The following IFT140 variants were observed in gnomAD, a reference collection of about 807,000 sequenced individuals.
IFT140 encodes intraflagellar transport protein 140 homolog.
Under a neutral mutation model 164.6 loss-of-function variants are expected in IFT140, and 133 were observed. The ratio of observed to expected loss-of-function variants is 0.81; its 90% CI spans 0.70 to 0.93. The LOEUF is 0.93. IFT140 is among the 40% of genes least tolerant of loss of function. The pLI is 0.00. For missense variants in IFT140, 2,045 were observed against 1,972.3 expected, an observed-to-expected ratio of 1.04 and a Z score of -0.70; for synonymous variants, 860 against 817.3, an observed-to-expected ratio of 1.05 and a Z score of -0.89.
Position 1,566,102 on chromosome 16 carries a change from G to A in IFT140, c.1901+59C>T, listed in dbSNP as rs2033698458. 4.4e-6 allele frequency: 7 copies of A among 1,576,072 alleles called. No individual in the cohort carries two copies. In the South Asian group the frequency reaches 6.7e-5, roughly 15 times the overall value. ...TAACTTAGCAACAACCCGCCCAGAA[G>A]CCGAGAAGTAACTGAACATCATTTT... On this transcript the variant is annotated intron_variant, in intron 16 of 30. Transcript: ENST00000426508.
chr16:1,597,342 G>A (rs2141979102), intron 4 of IFT140, among the ~76,000 whole-genome samples: 1 of 152,348 alleles, frequency 6.6e-6, no homozygotes, highest in Non-Finnish European at 1.5e-5. Flanking sequence ...TGCACTGTGG[G>A]CACTTGGCCC....
chr16:1,536,490 G>A (rs2031084052), intron 19 of IFT140, among the ~76,000 whole-genome samples: 1 of 152,230 alleles, frequency 6.6e-6, no homozygotes. Flanking sequence ...TCTGCAGGTG[G>A]CTGACCCTCA....
chr16:1,563,974 CA>C (rs2033569918), intron 17 of IFT140, 22 bp downstream of exon 17: 1 of 1,540,582 alleles, frequency 6.5e-7, no homozygotes. Flanking sequence ...TGTCTAAACT[CA>C]AATACAACAG....
In IFT140 at chr16:1,589,695, C is replaced by A. The variant is rs201765963; in HGVS notation, c.720G>T (p.Glu240Asp). The change falls in exon 7 of 31, where the codon GAG (glutamate) becomes GAT (aspartate). Residue 240 changes from glutamate (E) to aspartate (D), a missense_variant. Glu to Asp is a conservative substitution (Grantham distance 45, BLOSUM62 2). Transcript: ENST00000426508. The part of the protein sequence containing the change: ...DSTIQMLFYM[E>D]KREALVVVTE... ...TGACCACCACCAGTGCCTCCCTCTT[C>A]TCCATGTAGAACAGCATCTGAATCG... 1 of 1,614,152 alleles carries A rather than the reference C, an allele frequency of 6.2e-7. No homozygotes were observed. Among genetic ancestry groups the A allele is most frequent in the Non-Finnish European group, 8.5e-7 (1 of 1,180,030 alleles).
intron 18 of IFT140, among the ~76,000 whole-genome samples, chr16:1,559,189 T>G (rs1311746323): frequency 3.3e-5 from 5 of 152,208 alleles, no homozygotes; most frequent in Non-Finnish European, 5.9e-5. Context: ...GAGTGGAAAC[T>G]GTCAGAAAAC....
At chr16:1,558,186 C>T (rs1470566810) in intron 18 of IFT140, 52 bp from the exon 19 acceptor site, 3 of 1,578,562 alleles carry the variant, frequency 1.9e-6, no homozygotes, top group Non-Finnish European at 2.6e-6. Flanking sequence ...AAGCTGAAGC[C>T]CTCACCCAGA....
At chr16:1,524,985 G>T in intron 22 of IFT140, 69 bp from the exon 23 acceptor site, 1 of 1,190,846 alleles carries the variant, frequency 8.4e-7, no homozygotes, top group Non-Finnish European at 1.1e-6. Flanking sequence ...CCCCCACCCC[G>T]CCCCTGTGCC....
At chr16:1,604,573 G>C (rs1299861186) in intron 3 of IFT140, 2 of 152,482 alleles carry the variant, frequency 1.3e-5, no homozygotes, top group Non-Finnish European at 2.9e-5. Context: ...AGCAGCACAG[G>C]GCCGGGGAGG....
At chr16:1,515,297 G>A (rs1250578151) in intron 30 of IFT140, among the ~76,000 whole-genome samples, 1 of 152,178 alleles carries the variant, frequency 6.6e-6, no homozygotes, top group Non-Finnish European at 1.5e-5. Context: ...GGGAGATGGA[G>A]AGACACATGA....
chr16:1,552,484 G>C (rs1308233941), intron 19 of IFT140, among the ~76,000 whole-genome samples: 2 of 152,084 alleles, frequency 1.3e-5, no homozygotes, highest in Non-Finnish European at 2.9e-5. Context: ...AACATGAGTG[G>C]ACGCTGTTCA....
In IFT140 at chr16:1,524,628, C is replaced by T; in HGVS notation, c.3065G>A (p.Ser1022Asn). The stretch of plus-strand genomic sequence containing the variant: ...CACCGCCTGCCCGACCTCCTCCTGG[C>T]TCTCGTACTGGCGGGCGAGGTGGTA... ...ASYHLARQYESQEEVGQAVHF... is the reference protein window; with the variant it reads ...ASYHLARQYENQEEVGQAVHF... The change falls in exon 24 of 31, where the codon AGC becomes AAC. Residue 1022 changes from serine (S) to asparagine (N), a missense_variant. By Grantham distance (46) the Ser-to-Asn change is conservative. Transcript: ENST00000426508. 1 of 1,601,608 alleles carries T rather than the reference C, an allele frequency of 6.2e-7. No homozygotes were observed. Among genetic ancestry groups the T allele is most frequent in the Non-Finnish European group, 8.5e-7 (1 of 1,171,626 alleles).
At chr16:1,544,810 G>A (rs1400642917) in intron 19 of IFT140, among the ~76,000 whole-genome samples, 2 of 144,040 alleles carry the variant, frequency 1.4e-5, no homozygotes, top group South Asian at 2.1e-4. Flanking sequence ...CACCACGCCT[G>A]GCTAATTTTT....
At chr16:1,566,411 A>C in intron 15 of IFT140, 120 bp from the exon 16 acceptor site, 1 of 866,452 alleles carries the variant, frequency 1.2e-6, no homozygotes, top group Non-Finnish European at 1.8e-6. Flanking sequence ...CACCAAGTCC[A>C]CAGGCCACTC....
At chr16:1,548,167 A>C (rs1288231041) in intron 19 of IFT140, among the ~76,000 whole-genome samples, 1 of 152,198 alleles carries the variant, frequency 6.6e-6, no homozygotes, top group African/African-American at 2.4e-5. Flanking sequence ...CAGGTGGGAA[A>C]TGCCAGCCCC....
intron 4 of IFT140, among the ~76,000 whole-genome samples, chr16:1,594,792 G>A (rs931287440): frequency 1.3e-5 from 2 of 152,162 alleles, no homozygotes; most frequent in African/African-American, 4.8e-5. Context: ...GTCTGAGTCC[G>A]TGTGCGTGGC....
intron 19 of IFT140, chr16:1,541,339 G>C: frequency 1.0e-6 from 1 of 985,398 alleles, no homozygotes; most frequent in Non-Finnish European, 1.2e-6. Context: ...TCAGCCCCTT[G>C]CTGGTTATGA....
At chr16:1,542,219 C>A in intron 19 of IFT140, 1 of 891,796 alleles carries the variant, frequency 1.1e-6, no homozygotes, top group Non-Finnish European at 1.6e-6. Flanking sequence ...CTGAGAAGCC[C>A]CATGGGGCAT....
chr16:1,546,769 G>A (rs1454721909), intron 19 of IFT140, among the ~76,000 whole-genome samples: 9 of 152,192 alleles, frequency 5.9e-5, no homozygotes, highest in Non-Finnish European at 2.9e-5. Flanking sequence ...TCCTGAGCCC[G>A]GCCTGAAGAG....
chr16:1,534,006 C>G, intron 19 of IFT140: 1 of 496,002 alleles, frequency 2.0e-6, no homozygotes, highest in Non-Finnish European at 3.5e-6. Flanking sequence ...GCCCTGGGTT[C>G]TTGCTGCTGC....
Sources: gnomAD v4.1 joint callset for allele counts (sites outside exome capture counted in the v4.1 genomes callset) on GRCh38, gnomAD v4.1.1 for gene constraint, MANE v1.5 for transcripts, NCBI Gene and HGNC (gene_info 2026-07-23, HGNC 2026-07-21) for gene names.